Variants in ZNF518A observed in about 807,000 individuals in gnomAD.
The protein encoded by ZNF518A is zinc finger protein 518.
A neutral mutation model predicts 102.7 loss-of-function variants in ZNF518A; 47 were observed. The ratio of observed to expected loss-of-function variants is 0.46; its 90% CI spans 0.36 to 0.58. The LOEUF (loss-of-function observed/expected upper bound fraction) is 0.58, where lower values mean the gene tolerates loss of function less well. Ranked by LOEUF, ZNF518A falls within the 20% of genes least tolerant of loss-of-function variation. The pLI, the probability that ZNF518A is intolerant of heterozygous loss-of-function variation, is 0.00. For missense variants in ZNF518A, 1,793 were observed against 1,699.8 expected (o/e 1.05, Z -0.96); for synonymous variants, 652 against 594.6 (o/e 1.10, Z -1.40).
chr10:96,174,085 A>G (rs2083189401), intron 1 of ZNF518A, among the ~76,000 whole-genome samples: 1 of 152,154 alleles, frequency 6.6e-6, no homozygotes, highest in Non-Finnish European at 1.5e-5. Context: ...GATGTGACTA[A>G]AGCAGTGCTT....
chr10:96,143,275 C>CT (rs1381106933), intron 3 of ZNF518A, among the ~76,000 whole-genome samples: 3 of 152,082 alleles, frequency 2.0e-5, no homozygotes, highest in Non-Finnish European at 2.9e-5. Flanking sequence ...GCTTTTATAA[C>CT]TTTTTTCTGT....
downstream of ZNF518A, among the ~76,000 whole-genome samples, chr10:96,167,413 C>A (rs781847054): frequency 9.9e-5 from 15 of 152,184 alleles, no homozygotes; most frequent in Admixed American, 2.0e-4. Context: ...GAGATTGCGC[C>A]ATTGCTGTCC....
chr10:96,193,673 T>A (rs2083385236), intron 1 of ZNF518A, among the ~76,000 whole-genome samples: 1 of 152,242 alleles, frequency 6.6e-6, no homozygotes, highest in South Asian at 2.1e-4. Context: ...TTCAGTGTAT[T>A]TGTGGACAGA....
chr10:96,140,700 G>A (rs1039387587), intron 3 of ZNF518A, among the ~76,000 whole-genome samples: 10 of 151,964 alleles, frequency 6.6e-5, no homozygotes, highest in Non-Finnish European at 1.5e-4. Context: ...GGAGGCTGAG[G>A]TAGGCAAATT....
At chr10:96,155,468 G>A (rs1298927596) in intron 4 of ZNF518A, 92 bp downstream of exon 4, 3 of 152,152 alleles carry the variant, frequency 2.0e-5, no homozygotes, top group African/African-American at 7.2e-5. Flanking sequence ...TGAGTTCTGA[G>A]GATATAAATT....
intron 3 of ZNF518A, among the ~76,000 whole-genome samples, chr10:96,142,244 A>ATAG (rs1554876787): frequency 1.3e-5 from 2 of 152,136 alleles, no homozygotes; most frequent in African/African-American, 4.8e-5. Flanking sequence ...CAAGTCATGA[A>ATAG]TAGATAATAG....
In ZNF518A at chr10:96,189,372, C is replaced by G. The variant is rs2083294673; in HGVS notation, n.36-14202C>G. The G allele has an allele frequency of 5.3e-6, 3 of 570,778 alleles. No homozygotes were observed. The African/African-American group carries it at 5.6e-5, about 11-fold the overall frequency. The allele number at this position is 570,778 out of a possible 1,614,324, so 35.4% of individuals were successfully genotyped here. ...TTTAAACTATTTTCTAAAGAGACTT[C>G]CTCCACTGCCAGGATCTTGAATAGT... On this transcript the variant is annotated intron_variant and non_coding_transcript_variant, in intron 1 of 2. Transcript: ENST00000442635.
At chr10:96,132,537 G>T (rs1350333627) in intron 1 of ZNF518A, 49 bp from the exon 2 acceptor site, 9 of 132,100 alleles carry the variant, frequency 6.8e-5, no homozygotes, top group Admixed American at 3.1e-4. Flanking sequence ...AAGTGTAATT[G>T]AACAGTTTTT....
intron 3 of ZNF518A, among the ~76,000 whole-genome samples, chr10:96,145,021 A>C (rs1390528941): frequency 6.6e-6 from 1 of 151,980 alleles, no homozygotes; most frequent in Non-Finnish European, 1.5e-5. Flanking sequence ...CAGGAAACAT[A>C]TTAGTTGAAT....
intron 3 of ZNF518A, among the ~76,000 whole-genome samples, chr10:96,140,983 C>G (rs1591133586): frequency 6.6e-6 from 1 of 152,222 alleles, no homozygotes; most frequent in East Asian, 1.9e-4. Flanking sequence ...ATTTCTGACT[C>G]TGTGTTTTAA....
chr10:96,184,117 C>A (rs11188651), intron 1 of ZNF518A, among the ~76,000 whole-genome samples: 9,221 of 151,848 alleles, frequency 0.061, 371 homozygotes, highest in South Asian at 0.15. Context: ...TCTGTTTTAT[C>A]AGACTAGGAT....
At chr10:96,154,340 TTTTC>T (rs139065406) in intron 3 of ZNF518A, among the ~76,000 whole-genome samples, 1,685 of 152,168 alleles carry the variant, frequency 0.011, 27 homozygotes, top group African/African-American at 0.038. Context: ...GTCATCAATC[TTTTC>T]TTTCTTTCTC....
At position 96,158,416 on chromosome 10, in the gene ZNF518A, A is replaced by G. The variant is rs150286125; in HGVS notation, c.2094A>G (p.Ala698=). 1.3e-4 allele frequency: 204 copies of G among 1,613,566 alleles called. No individual in the cohort carries two copies. The East Asian group carries it at 2.4e-3, about 19-fold the overall frequency. The part of the protein sequence containing the change: ...QESSKPDSLL[A]SISLLNDKDG... ...GCTCAAAACCAGATAGCCTATTAGC[A>G]TCTATTAGCCTTTTAAATGATAAAG... The change falls in exon 6 of 6, where the codon GCA becomes GCG. Residue 698 remains alanine, a synonymous_variant. Transcript: ENST00000316045.
intron 3 of ZNF518A, among the ~76,000 whole-genome samples, chr10:96,142,305 G>GGGGTGTGT (rs1299273019): frequency 6.9e-4 from 72 of 104,132 alleles, no homozygotes; most frequent in South Asian, 1.0e-3. Flanking sequence ...ATATTCTTAG[G>GGGGTGTGT]GTGTGTGTGT....
intron 1 of ZNF518A, among the ~76,000 whole-genome samples, chr10:96,191,239 T>C (rs1437235191): frequency 4.4e-5 from 6 of 135,802 alleles, no homozygotes; most frequent in Non-Finnish European, 1.0e-4. Context: ...AAACCTCTTT[T>C]TTTTTTTTTT....
At chr10:96,178,999 A>T (rs2083222497) in intron 1 of ZNF518A, among the ~76,000 whole-genome samples, 1 of 152,154 alleles carries the variant, frequency 6.6e-6, no homozygotes, top group Admixed American at 6.5e-5. Flanking sequence ...AAATAATATC[A>T]ATGCTGCACA....
At position 96,160,900 on chromosome 10, in the gene ZNF518A, A is replaced by C. The variant is rs186108831; in HGVS notation, c.*126A>C. The C allele has an allele frequency of 1.2e-5, 13 of 1,040,558 alleles. No homozygotes were observed. Among genetic ancestry groups the C allele is most frequent in the Admixed American group, 3.6e-5 (1 of 27,438 alleles). 64.5% of individuals were successfully genotyped at this position (1,040,558 alleles called of 1,614,324 possible). On this transcript the variant is annotated 3_prime_UTR_variant, in exon 6 of 6. Coordinates refer to ENST00000316045, the MANE Select transcript of ZNF518A (RefSeq NM_001330736.2). Reference sequence around the variant, plus strand: ...CTGAAATCGAACATTTTAAAAGTTGATTGTATTTCTGTGGAAGAGTAAAAG... The same window carrying C: ...CTGAAATCGAACATTTTAAAAGTTGCTTGTATTTCTGTGGAAGAGTAAAAG...
chr10:96,180,675 C>T (rs1452393627), intron 1 of ZNF518A, among the ~76,000 whole-genome samples: 1 of 152,196 alleles, frequency 6.6e-6, no homozygotes, highest in Non-Finnish European at 1.5e-5. Context: ...GACATGAACT[C>T]ATCCTTTTTT....
Position 96,158,592 on chromosome 10 carries a change from A to G in ZNF518A, c.2270A>G (p.Asp757Gly), listed in dbSNP as rs782292043. 1.2e-6 allele frequency: 2 copies of G among 1,613,366 alleles called. No individual in the cohort carries two copies. The highest frequency in any genetic ancestry group is 1.3e-5 in the African/African-American group (1 of 75,038). ...KSKWEDFSNV[D>G]SPMMPRITSV... Reference sequence around the variant, plus strand: ...AAATGGGAAGACTTTTCTAATGTCGATTCACCTATGATGCCTAGAATCACA... The same window carrying G: ...AAATGGGAAGACTTTTCTAATGTCGGTTCACCTATGATGCCTAGAATCACA... The change falls in exon 6 of 6, where the codon GAT (aspartate) becomes GGT (glycine). Residue 757 changes from aspartate (D) to glycine (G), a missense_variant. Physicochemically the swap from Asp to Gly is moderately conservative, Grantham distance 94. Coordinates refer to ENST00000316045, the MANE Select transcript of ZNF518A (RefSeq NM_001330736.2).
Sources: allele counts gnomAD v4.1 joint callset (sites outside exome capture counted in the v4.1 genomes callset), GRCh38; gene constraint gnomAD v4.1.1; transcripts MANE v1.5; gene names NCBI Gene and HGNC (gene_info 2026-07-23, HGNC 2026-07-21).